DAB1: variants seen among roughly 807,000 people sequenced by gnomAD.
The protein encoded by DAB1 is DAB adaptor protein 1.
In DAB1, 15 loss-of-function variants were observed where a neutral mutation model predicts 64.6. The observed-to-expected ratio is 0.23, with a 90% CI of 0.16 to 0.36. DAB1 has a LOEUF of 0.36. Among genes scored for constraint, DAB1 ranks in the 10% least tolerant of loss-of-function variants. The pLI is 1.00. For missense variants in DAB1, 596 were observed against 706.7 expected (o/e 0.84, Z 1.78); for synonymous variants, 235 against 251.9 (o/e 0.93, Z 0.64).
In DAB1 at chr1:57,842,417, C is replaced by T. The variant is rs148879639; in HGVS notation, n.88-15962G>A. ...TTACCTAGTTCAAAAGTCACTTCCA[C>T]ATTTTCAAGTATCTTTATAGCAATG... On this transcript the variant is annotated intron_variant and non_coding_transcript_variant, in intron 1 of 1. Coordinates refer to the DAB1 transcript ENST00000477280. 1.5e-3 allele frequency among the ~76,000 whole-genome samples: 228 copies of T among 152,280 alleles called. 5 individuals carry two copies. The South Asian group carries it at 0.039, about 26-fold the overall frequency.
chr1:58,223,869 A>ATT (rs2100330952), intron 4 of DAB1, among the ~76,000 whole-genome samples: 2 of 152,272 alleles, frequency 1.3e-5, no homozygotes, highest in African/African-American at 4.8e-5. Context: ...CCACAAACCA[A>ATT]TTTTCTGCTG....
intron 1 of DAB1, among the ~76,000 whole-genome samples, chr1:57,314,916 A>C (rs1035852907): frequency 2.6e-5 from 4 of 152,204 alleles, no homozygotes; most frequent in Admixed American, 2.0e-4. Flanking sequence ...ATAATATAAT[A>C]GTCCCTGATC....
intron 4 of DAB1, among the ~76,000 whole-genome samples, chr1:57,098,262 G>C (rs1025111383): frequency 6.6e-6 from 1 of 152,164 alleles, no homozygotes; most frequent in Non-Finnish European, 1.5e-5. Context: ...CTTGGTGCCA[G>C]TGTAGTTGGC....
At chr1:58,390,427 C>T (rs1389436583) in intron 3 of DAB1, among the ~76,000 whole-genome samples, 7 of 152,288 alleles carry the variant, frequency 4.6e-5, no homozygotes, top group Admixed American at 4.6e-4. Context: ...TGCAGACCTG[C>T]TCAGTGCAGC....
intron 4 of DAB1, among the ~76,000 whole-genome samples, chr1:58,248,223 A>G (rs1272274174): frequency 6.6e-6 from 1 of 151,974 alleles, no homozygotes; most frequent in Non-Finnish European, 1.5e-5. Context: ...GGAAATCCCT[A>G]TTTGCCAATA....
chr1:57,076,157 A>G (rs1307268051), intron 4 of DAB1, among the ~76,000 whole-genome samples: 1 of 152,156 alleles, frequency 6.6e-6, no homozygotes, highest in African/African-American at 2.4e-5. Flanking sequence ...CCTAGGGCAT[A>G]AGAACTGCTC....
chr1:57,616,011 C>T (rs1451508851), intron 7 of DAB1, among the ~76,000 whole-genome samples: 1 of 152,202 alleles, frequency 6.6e-6, no homozygotes, highest in Non-Finnish European at 1.5e-5. Context: ...CTGCTATCTA[C>T]AAGCGCCCTA....
At chr1:57,131,390 T>C (rs756572281) in intron 4 of DAB1, among the ~76,000 whole-genome samples, 1 of 152,184 alleles carries the variant, frequency 6.6e-6, no homozygotes, top group African/African-American at 2.4e-5. Context: ...TAAACCACAC[T>C]GTCATGTTTA....
chr1:57,255,155 G>A (rs771337120), intron 2 of DAB1, among the ~76,000 whole-genome samples: 4 of 152,162 alleles, frequency 2.6e-5, no homozygotes, highest in Non-Finnish European at 4.4e-5. Context: ...ACTGTGTCAG[G>A]TAAAGTGGAC....
intron 5 of DAB1, among the ~76,000 whole-genome samples, chr1:57,966,526 T>A (rs1645669901): frequency 6.6e-6 from 1 of 152,138 alleles, no homozygotes; most frequent in Admixed American, 6.6e-5. Context: ...GCTAGCAGAA[T>A]GTAGCTGCAT....
chr1:57,858,153 G>A (rs1388427377), intron 1 of DAB1, among the ~76,000 whole-genome samples: 1 of 152,136 alleles, frequency 6.6e-6, no homozygotes, highest in Non-Finnish European at 1.5e-5. Flanking sequence ...ATCTACCACT[G>A]TCTCACCCAT....
intron 1 of DAB1, among the ~76,000 whole-genome samples, chr1:58,544,035 T>A (rs1031824263): frequency 6.6e-6 from 1 of 152,180 alleles, no homozygotes; most frequent in Admixed American, 6.5e-5. Flanking sequence ...ATCAGCAAAG[T>A]GATACTGATG....
At chr1:57,411,919 T>C (rs549695910) in intron 1 of DAB1, among the ~76,000 whole-genome samples, 1 of 152,244 alleles carries the variant, frequency 6.6e-6, no homozygotes, top group Non-Finnish European at 1.5e-5. Context: ...TTCACAGTTA[T>C]TGCATGTTTT....
chr1:58,225,478 T>G (rs377052048), intron 4 of DAB1, among the ~76,000 whole-genome samples: 3 of 151,484 alleles, frequency 2.0e-5, no homozygotes, highest in Admixed American at 6.6e-5. Context: ...ACCCAAAGGA[T>G]TATAAATCAT....
At chr1:57,467,842 C>G (rs1687005554) in intron 7 of DAB1, among the ~76,000 whole-genome samples, 1 of 152,182 alleles carries the variant, frequency 6.6e-6, no homozygotes, top group Admixed American at 6.5e-5. Context: ...GAAAGAAAAA[C>G]TTGAGCTGGT....
At chr1:57,676,844 T>C (rs1558600936) in intron 6 of DAB1, among the ~76,000 whole-genome samples, 1 of 152,136 alleles carries the variant, frequency 6.6e-6, no homozygotes, top group Non-Finnish European at 1.5e-5. Context: ...AAGAACTAGT[T>C]CTAATTTCTC....
chr1:57,124,079 C>G (rs1210769990), intron 4 of DAB1, among the ~76,000 whole-genome samples: 1 of 152,110 alleles, frequency 6.6e-6, no homozygotes, highest in African/African-American at 2.4e-5. Context: ...AGGTCTACCA[C>G]CAGTAAAACT....
intron 5 of DAB1, among the ~76,000 whole-genome samples, chr1:57,953,941 A>C (rs2100247708): frequency 6.6e-6 from 1 of 152,154 alleles, no homozygotes; most frequent in Non-Finnish European, 1.5e-5. Context: ...GGAACATTGG[A>C]TATTTCACCA....
chr1:58,127,659 G>T (rs1653210375), intron 5 of DAB1, among the ~76,000 whole-genome samples: 1 of 152,194 alleles, frequency 6.6e-6, no homozygotes, highest in African/African-American at 2.4e-5. Flanking sequence ...AACGGATCCA[G>T]TTTCAGCTTT....
Sources: allele counts gnomAD v4.1 joint callset (sites outside exome capture counted in the v4.1 genomes callset), GRCh38; gene constraint gnomAD v4.1.1; transcripts MANE v1.5; gene names NCBI Gene and HGNC (gene_info 2026-07-23, HGNC 2026-07-21).